DNAI3: variants seen among roughly 807,000 people sequenced by gnomAD.
DNAI3 encodes WD repeat domain 63.
DNAI3 carries 83 observed loss-of-function variants against 115.5 expected under a neutral mutation model. The ratio of observed to expected loss-of-function variants is 0.72; its 90% CI spans 0.60 to 0.86. The LOEUF is 0.86. DNAI3 is among the 40% of genes least tolerant of loss of function. The probability of loss-of-function intolerance (pLI) is 0.00; values close to 1 mark genes in which losing one functional copy is unlikely to be tolerated. For synonymous variants in DNAI3, 320 were observed against 347.0 expected (o/e 0.92, Z 0.86); for missense variants, 1,004 against 1,075.8 (o/e 0.93, Z 0.93).
chr1:85,104,856 A>C (rs1261232481), intron 14 of DNAI3, among the ~76,000 whole-genome samples: 1 of 152,176 alleles, frequency 6.6e-6, no homozygotes, highest in African/African-American at 2.4e-5. Flanking sequence ...TCACATTCTC[A>C]TATTTGTAAA....
intron 19 of DNAI3, among the ~76,000 whole-genome samples, chr1:85,126,048 C>T (rs1656123969): frequency 6.6e-6 from 1 of 152,180 alleles, no homozygotes; most frequent in South Asian, 2.1e-4. Flanking sequence ...TGATTTTCAA[C>T]ATGCAGTACA....
intron 3 of DNAI3, among the ~76,000 whole-genome samples, chr1:85,073,648 G>C (rs11161518): frequency 0.55 from 83,511 of 152,050 alleles, 23,242 homozygotes; most frequent in Middle Eastern, 0.63. Context: ...GAGACAATGA[G>C]GGGGGCAAGG....
At chr1:85,101,727 CAAAAAAAAAAAAA>C (rs72166976) in intron 13 of DNAI3, among the ~76,000 whole-genome samples, 2 of 14,440 alleles carry the variant, frequency 1.4e-4, no homozygotes, top group African/African-American at 3.2e-4. Flanking sequence ...GACTCCATCT[CAAAAAAAAAAAAA>C]AAAAAAAAAA....
intron 16 of DNAI3, among the ~76,000 whole-genome samples, chr1:85,116,914 T>C (rs1245448980): frequency 6.6e-6 from 1 of 152,206 alleles, no homozygotes; most frequent in Non-Finnish European, 1.5e-5. Flanking sequence ...ATTTTTAAGT[T>C]TTGTCCAGAA....
intron 4 of DNAI3, 82 bp from the exon 5 acceptor site, chr1:85,082,218 G>A (rs1363000699): frequency 2.6e-5 from 29 of 1,126,570 alleles, no homozygotes; most frequent in Non-Finnish European, 3.3e-5. Flanking sequence ...GTTGATTAGC[G>A]AAATGTGAAT....
intron 16 of DNAI3, among the ~76,000 whole-genome samples, chr1:85,112,831 A>G (rs1431930751): frequency 1.3e-5 from 2 of 152,222 alleles, no homozygotes; most frequent in African/African-American, 4.8e-5. Flanking sequence ...GTGCAGTAGC[A>G]TGGTCTCGGC....
intron 3 of DNAI3, 86 bp from the exon 4 acceptor site, chr1:85,081,148 A>G: frequency 8.8e-7 from 1 of 1,136,754 alleles, no homozygotes. Flanking sequence ...CAAGATAATT[A>G]TTAAAACCAA....
chr1:85,110,378 G>A (rs1336289873), intron 16 of DNAI3, among the ~76,000 whole-genome samples: 2 of 151,720 alleles, frequency 1.3e-5, no homozygotes, highest in Non-Finnish European at 2.9e-5. Flanking sequence ...GTGAACCCGG[G>A]AGGCAGAGCT....
chr1:85,119,280 C>A (rs1282208313), intron 17 of DNAI3, among the ~76,000 whole-genome samples: 1 of 152,168 alleles, frequency 6.6e-6, no homozygotes, highest in African/African-American at 2.4e-5. Context: ...CATCCATGTC[C>A]AGAACTTTTC....
chr1:85,071,932 A>G lies in DNAI3; in HGVS notation c.-10A>G, dbSNP rs1654288817. The G allele has an allele frequency of 1.2e-6, 2 of 1,610,866 alleles. No homozygotes were observed. Among genetic ancestry groups the G allele is most frequent in the Admixed American group, 3.4e-5 (2 of 59,048 alleles). ...TAATATCATCTCTTTATGCAGCCCA[A>G]GTCAGAACCATGGCTCCAAAACAAA... On this transcript the variant is annotated 5_prime_UTR_variant, in exon 2 of 23. Transcript: ENST00000294664.
chr1:85,091,552 C>G (rs1674174), intron 8 of DNAI3, among the ~76,000 whole-genome samples: 60,332 of 152,048 alleles, frequency 0.4, 12,230 homozygotes, highest in East Asian at 0.63. Context: ...ACTGCTTAAG[C>G]TTTATTCAAT....
Position 85,090,194 on chromosome 1 carries a change from A to G in DNAI3, c.819A>G (p.Ser273=), listed in dbSNP as rs767407300. ...AGGAAAAAGAGACACTCAAACAATCAAAGCCTTTGGTTGATTTTCTTAACA... is the reference window on the plus strand; with the variant it reads ...AGGAAAAAGAGACACTCAAACAATCGAAGCCTTTGGTTGATTTTCTTAACA... ...SEEEKETLKQ[S]KPLVDFLNNA... Residue 273 remains serine (S), a synonymous_variant, in exon 8 of 23, where the codon TCA becomes TCG. Transcript: ENST00000294664. The G allele has an allele frequency of 2.1e-5, 33 of 1,585,144 alleles. No homozygotes were observed. Among genetic ancestry groups the G allele is most frequent in the Non-Finnish European group, 2.6e-5 (30 of 1,168,742 alleles).
intron 8 of DNAI3, among the ~76,000 whole-genome samples, chr1:85,091,801 T>C (rs900891039): frequency 1.3e-5 from 2 of 152,248 alleles, no homozygotes; most frequent in Middle Eastern, 3.4e-3. Flanking sequence ...AATTTGTTAC[T>C]CTCGGGAGCT....
intron 21 of DNAI3, among the ~76,000 whole-genome samples, chr1:85,129,631 T>G (rs1288377236): frequency 6.6e-6 from 1 of 152,142 alleles, no homozygotes; most frequent in Non-Finnish European, 1.5e-5. Context: ...CCTGAATATT[T>G]CTACTACAAA....
In DNAI3 at chr1:85,108,182, G is replaced by A. The variant is rs761463763; in HGVS notation, c.1698+5G>A. 17 of 1,580,172 alleles carry A rather than the reference G, an allele frequency of 1.1e-5. No individual in the cohort carries two copies. The African/African-American group carries it at 2.2e-4, about 20-fold the overall frequency. On this transcript the variant is annotated splice_donor_5th_base_variant and intron_variant, in intron 15 of 22. Transcript: ENST00000294664. ...TCCTGGAAACCTCTCACTAAGGTAA[G>A]TAATGTGGGGTTTTTAGTCCATCCT...
intron 8 of DNAI3, among the ~76,000 whole-genome samples, chr1:85,092,108 A>T (rs1654995535): frequency 6.6e-6 from 1 of 152,194 alleles, no homozygotes; most frequent in African/African-American, 2.4e-5. Context: ...GACTCTTGTT[A>T]AAATGCAGGT....
intron 10 of DNAI3, 136 bp downstream of exon 10, chr1:85,094,691 G>A: frequency 9.2e-7 from 1 of 1,085,896 alleles, no homozygotes; most frequent in Non-Finnish European, 1.3e-6. Flanking sequence ...TTTCTTCAAT[G>A]CAGAACTTGT....
At position 85,104,544 on chromosome 1, in the gene DNAI3, C is replaced by T. The variant is rs1655429408; in HGVS notation, c.1500C>T (p.Val500=). The T allele has an allele frequency of 6.2e-7, 1 of 1,613,922 alleles. No individual in the cohort carries two copies. Among genetic ancestry groups the T allele is most frequent in the East Asian group, 2.2e-5 (1 of 44,844 alleles). The change falls in exon 14 of 23, where the codon GTC becomes GTT. Residue 500 remains valine, a synonymous_variant. Coordinates refer to ENST00000294664, the MANE Select transcript of DNAI3 (RefSeq NM_145172.5). Reference sequence around the variant, plus strand: ...AATAGATTAACAGAATGGGCTCCGTCTTTGAGAATCGAAGTGGAATATGCT... The same window carrying T: ...AATAGATTAACAGAATGGGCTCCGTTTTTGAGAATCGAAGTGGAATATGCT... The part of the protein sequence containing the change: ...DTFEINRMGS[V]FENRSGICCQ...
chr1:85,101,589 G>A (rs1201983846), intron 13 of DNAI3, among the ~76,000 whole-genome samples: 1 of 151,734 alleles, frequency 6.6e-6, no homozygotes, highest in African/African-American at 2.4e-5. Flanking sequence ...TTAGCCGGGC[G>A]TGGTGGCGGG....
Sources: gnomAD v4.1 joint callset for allele counts (sites outside exome capture counted in the v4.1 genomes callset) on GRCh38, gnomAD v4.1.1 for gene constraint, MANE v1.5 for transcripts, NCBI Gene and HGNC (gene_info 2026-07-23, HGNC 2026-07-21) for gene names.